Variants in CNOT7 observed in about 807,000 individuals in gnomAD.
CNOT7 encodes the protein BTG1-binding factor 1.
Under a neutral mutation model 37.1 loss-of-function variants are expected in CNOT7, and 4 were observed. The ratio of observed to expected loss-of-function variants is 0.11; its 90% CI spans 0.05 to 0.25. CNOT7 has a LOEUF of 0.25. Ranked by LOEUF, CNOT7 falls within the 10% of genes least tolerant of loss-of-function variation. CNOT7 has a pLI of 1.00. For synonymous variants in CNOT7, 128 were observed against 115.6 expected, an observed-to-expected ratio of 1.11 and a Z score of -0.69; for missense variants, 170 against 336.2, an observed-to-expected ratio of 0.51 and a Z score of 3.87.
In CNOT7 at chr8:17,246,820, A is replaced by C. The variant is rs1811230044; in HGVS notation, c.-241T>G. On this transcript the variant is annotated 5_prime_UTR_variant, in exon 1 of 7. Coordinates refer to ENST00000361272, the MANE Select transcript of CNOT7 (RefSeq NM_013354.7). ...CCCAGCGAAGGGAAAGGCGAGCAGGAGCTGCGCCGCACCGTGCTGCGCCGT... is the reference window on the plus strand; with the variant it reads ...CCCAGCGAAGGGAAAGGCGAGCAGGCGCTGCGCCGCACCGTGCTGCGCCGT... The C allele has an allele frequency of 4.5e-6, 1 of 221,248 alleles. No individual in the cohort carries two copies. Among genetic ancestry groups the C allele is most frequent in the African/African-American group, 2.4e-5 (1 of 41,946 alleles). 13.7% of individuals were successfully genotyped at this position (221,248 alleles called of 1,614,324 possible).
At chr8:17,234,960 A>C in intron 4 of CNOT7, 100 bp from the exon 5 acceptor site, 1 of 968,070 alleles carries the variant, frequency 1.0e-6, no homozygotes, top group Non-Finnish European at 1.5e-6. Context: ...GTCACACTAG[A>C]GCCCTCCCAA....
chr8:17,226,415 A>G lies in CNOT7; in HGVS notation c.*4305T>C, dbSNP rs1461343203. On this transcript the variant is annotated 3_prime_UTR_variant, in exon 7 of 7. Coordinates refer to ENST00000361272, the MANE Select transcript of CNOT7 (RefSeq NM_013354.7). ...CAGGTCAAGGTACTGCTAAATACTGACACATCCACCCATGAGCATGTGATT... is the reference window on the plus strand; with the variant it reads ...CAGGTCAAGGTACTGCTAAATACTGGCACATCCACCCATGAGCATGTGATT... 1.3e-5 allele frequency: 2 copies of G among 151,632 alleles called. No homozygotes were observed. The highest frequency in any genetic ancestry group is 2.4e-5 in the African/African-American group (1 of 41,400). 9.4% of individuals were successfully genotyped at this position (151,632 alleles called of 1,614,324 possible).
Position 17,226,126 on chromosome 8 carries a change from CAAGG to C in CNOT7, c.*4590_*4593del, listed in dbSNP as rs1808142299. ...AAATGAAGGACATTATTTAGGTACT[CAAGG>C]AAACTTTTCACCAAATTTTTATTCT... On this transcript the variant is annotated 3_prime_UTR_variant, in exon 7 of 7. Coordinates refer to ENST00000361272, the MANE Select transcript of CNOT7 (RefSeq NM_013354.7). 1.5e-5 allele frequency: 2 copies of C among 131,946 alleles called. No homozygotes were observed. The highest frequency in any genetic ancestry group is 1.8e-4 in the Admixed American group (2 of 11,256). 8.2% of individuals were successfully genotyped at this position (131,946 alleles called of 1,614,324 possible).
Position 17,225,166 on chromosome 8 carries a change from G to T in CNOT7, c.*5554C>A, listed in dbSNP as rs1808076881. ...AGTCCCCTTGGGGTCTTGCAAACTT[G>T]TATTTCCTAACAATTTGGAAGCCAT... is the stretch of plus-strand genomic sequence containing the variant. On this transcript the variant is annotated 3_prime_UTR_variant, in exon 7 of 7. Transcript: ENST00000361272. 1 of 151,696 alleles carries T rather than the reference G, an allele frequency of 6.6e-6. No individual in the cohort carries two copies. Among genetic ancestry groups the T allele is most frequent in the African/African-American group, 2.4e-5 (1 of 41,402 alleles). 9.4% of individuals were successfully genotyped at this position (151,696 alleles called of 1,614,324 possible).
In CNOT7 at chr8:17,245,258, A is replaced by G; in HGVS notation, c.-95-11T>C. ...CCTTTATTTATGTACCTGTCAAAAT[A>G]AAAAAACAATATGAAGACCAGATAT... On this transcript the variant is annotated splice_polypyrimidine_tract_variant and intron_variant, in intron 1 of 6. Transcript: ENST00000361272. 2 of 1,219,928 alleles carry G rather than the reference A, an allele frequency of 1.6e-6. 1 individual carries two copies. Among genetic ancestry groups the G allele is most frequent in the South Asian group, 3.6e-5 (2 of 55,342 alleles). 75.6% of individuals were successfully genotyped at this position (1,219,928 alleles called of 1,614,324 possible).
rs373869725 is a variant in CNOT7, at chr8:17,230,376, A to C, written c.*344T>G. The C allele has an allele frequency of 5.6e-5, 9 of 159,414 alleles. No homozygotes were observed. The highest frequency in any genetic ancestry group is 2.1e-4 in the African/African-American group (9 of 41,892). The allele number at this position is 159,414 out of a possible 1,614,324, so 9.9% of individuals were successfully genotyped here. A position where few individuals can be genotyped will look rare whatever the true frequency, so the allele number is the denominator to read the frequency against. On this transcript the variant is annotated 3_prime_UTR_variant, in exon 7 of 7. Coordinates refer to ENST00000361272, the MANE Select transcript of CNOT7 (RefSeq NM_013354.7). ...GACGTGAAACAGGGAAATAAATTAC[A>C]GTCAGTGCTAGTTAATTTAGGAAAA...
rs1266867238 is a variant in CNOT7 at position 17,227,972 on chromosome 8, C to G, written c.*2748G>C. 1.3e-5 allele frequency: 2 copies of G among 151,926 alleles called. No homozygotes were observed. Among genetic ancestry groups the G allele is most frequent in the African/African-American group, 4.8e-5 (2 of 41,446 alleles). The allele number at this position is 151,926 out of a possible 1,614,324, so 9.4% of individuals were successfully genotyped here. Reference sequence around the variant, plus strand: ...AAGCGGCAATGTGAAACAAGACACACATACACAGGTTCTGTAGCAGCTACT... The same window carrying G: ...AAGCGGCAATGTGAAACAAGACACAGATACACAGGTTCTGTAGCAGCTACT... On this transcript the variant is annotated 3_prime_UTR_variant, in exon 7 of 7. Coordinates refer to ENST00000361272, the MANE Select transcript of CNOT7 (RefSeq NM_013354.7).
chr8:17,231,843 T>C (rs536868419), intron 6 of CNOT7: 4 of 985,826 alleles, frequency 4.1e-6, no homozygotes, highest in East Asian at 1.1e-4. Context: ...TTTCCTAATA[T>C]GGTTTCTGAT....
At position 17,230,928 on chromosome 8, in the gene CNOT7, A is replaced by C. The variant is rs1808518802; in HGVS notation, c.730-80T>G. 7 of 1,008,502 alleles carry C rather than the reference A, an allele frequency of 6.9e-6. No individual in the cohort carries two copies. The East Asian group carries it at 1.6e-4, about 23-fold the overall frequency. 62.5% of individuals were successfully genotyped at this position (1,008,502 alleles called of 1,614,324 possible). On this transcript the variant is annotated intron_variant, in intron 6 of 6. Coordinates refer to ENST00000361272, the MANE Select transcript of CNOT7 (RefSeq NM_013354.7). ...TTGTAATTTATATTTCAGCAATGTAAGTACTGACTGTTCACTGACAATAAT... is the reference window on the plus strand; with the variant it reads ...TTGTAATTTATATTTCAGCAATGTACGTACTGACTGTTCACTGACAATAAT...
rs953518807 is a variant in CNOT7 at position 17,229,420 on chromosome 8, AGT to A, written c.*1298_*1299del. 5 of 152,362 alleles carry A rather than the reference AGT, an allele frequency of 3.3e-5. No homozygotes were observed. The highest frequency in any genetic ancestry group is 7.4e-5 in the Non-Finnish European group (5 of 67,844). 9.4% of individuals were successfully genotyped at this position (152,362 alleles called of 1,614,324 possible). ...GAGATTTGCTAATATTACTGATTGAAGTGTAGGTAACACACATTATAACTTGT... is the reference window on the plus strand; with the variant it reads ...GAGATTTGCTAATATTACTGATTGAAGTAGGTAACACACATTATAACTTGT... On this transcript the variant is annotated 3_prime_UTR_variant, in exon 7 of 7. Coordinates refer to ENST00000361272, the MANE Select transcript of CNOT7 (RefSeq NM_013354.7).
Position 17,234,868 on chromosome 8 carries a change from A to G in CNOT7, c.474-8T>C. ...TAGCCAAAGTCGTAACCGCTATAAA[A>G]GGGTTAAAAGAATAGAGAAGAGGGA... On this transcript the variant is annotated splice_region_variant and splice_polypyrimidine_tract_variant and intron_variant, in intron 4 of 6. Coordinates refer to ENST00000361272, the MANE Select transcript of CNOT7 (RefSeq NM_013354.7). 6.2e-7 allele frequency: 1 copy of G among 1,612,342 alleles called. No homozygotes were observed. The highest frequency in any genetic ancestry group is 1.3e-5 in the African/African-American group (1 of 74,940).
intron 3 of CNOT7, among the ~76,000 whole-genome samples, chr8:17,238,843 G>A (rs953297519): frequency 2.0e-5 from 3 of 152,012 alleles, no homozygotes; most frequent in South Asian, 2.1e-4. Flanking sequence ...TTACATCTAC[G>A]TATGTGAAGA....
chr8:17,245,143 C>A lies in CNOT7; in HGVS notation c.10G>T (p.Ala4Ser). 2 of 1,612,754 alleles carry A rather than the reference C, an allele frequency of 1.2e-6. No individual in the cohort carries two copies. The highest frequency in any genetic ancestry group is 1.3e-5 in the African/African-American group (1 of 74,958). Residue 4 changes from alanine to serine, a missense_variant, in exon 2 of 7, where the codon GCA (alanine) becomes TCA (serine). Around this residue, in one of 6 missense-constraint regions of CNOT7, gnomAD observed 38 missense variants for 36.9 expected, o/e 1.03. Transcript: ENST00000361272. MPAATVDHSQRICE... is the reference protein window; with the variant it reads MPASTVDHSQRICE... ...ATTCTTTGGCTATGATCTACAGTTGCCGCTGGCATAGTGAGGGCACAAGGG... is the reference window on the plus strand; with the variant it reads ...ATTCTTTGGCTATGATCTACAGTTGACGCTGGCATAGTGAGGGCACAAGGG...
rs1031525202 is a variant in CNOT7, at chr8:17,246,832, C to G, written c.-253G>C. The stretch of plus-strand genomic sequence containing the variant: ...AAAGGCGAGCAGGAGCTGCGCCGCA[C>G]CGTGCTGCGCCGTCGCTTTTCGCAC... On this transcript the variant is annotated 5_prime_UTR_variant, in exon 1 of 7. Coordinates refer to ENST00000361272, the MANE Select transcript of CNOT7 (RefSeq NM_013354.7). 7.8e-6 allele frequency: 2 copies of G among 257,144 alleles called. No individual in the cohort carries two copies. Among genetic ancestry groups the G allele is most frequent in the Non-Finnish European group, 1.5e-5 (2 of 129,864 alleles). The allele number at this position is 257,144 out of a possible 1,614,324, so 15.9% of individuals were successfully genotyped here.
At chr8:17,243,400 T>G in intron 2 of CNOT7, 1 of 634,806 alleles carries the variant, frequency 1.6e-6, no homozygotes, top group Non-Finnish European at 2.8e-6. Flanking sequence ...TCCAAAAAGT[T>G]ACTATACGAG....
rs1165309955 is a variant in CNOT7, at chr8:17,229,149, T to C, written c.*1571A>G. ...AGGGTTAATGAAGGAAGTTACTGAA[T>C]TCTGTTGAGTTGCCCAAATAAAAAT... On this transcript the variant is annotated 3_prime_UTR_variant, in exon 7 of 7. Coordinates refer to ENST00000361272, the MANE Select transcript of CNOT7 (RefSeq NM_013354.7). The C allele has an allele frequency of 1.3e-5, 2 of 151,938 alleles. No individual in the cohort carries two copies. The highest frequency in any genetic ancestry group is 2.4e-5 in the African/African-American group (1 of 41,416). 9.4% of individuals were successfully genotyped at this position (151,938 alleles called of 1,614,324 possible).
chr8:17,236,467 A>G (rs1809376004), intron 4 of CNOT7, among the ~76,000 whole-genome samples: 1 of 152,220 alleles, frequency 6.6e-6, no homozygotes, highest in Admixed American at 6.5e-5. Flanking sequence ...CTTACCAGAA[A>G]CACTCTTAAA....
intron 3 of CNOT7, among the ~76,000 whole-genome samples, chr8:17,240,637 C>G (rs145111969): frequency 1.5e-4 from 23 of 152,258 alleles, no homozygotes; most frequent in South Asian, 2.1e-4. Context: ...TGGGTTACCT[C>G]CTTCTCACGT....
At chr8:17,239,735 C>G (rs534380200) in intron 3 of CNOT7, among the ~76,000 whole-genome samples, 1 of 151,978 alleles carries the variant, frequency 6.6e-6, no homozygotes, top group Non-Finnish European at 1.5e-5. Flanking sequence ...CCTTGTGATC[C>G]GCCCGCCTCG....
Sources: gnomAD v4.1 joint callset for allele counts (sites outside exome capture counted in the v4.1 genomes callset) on GRCh38, gnomAD v4.1.1 for gene constraint, gnomAD v4.1.1 regional missense constraint, MANE v1.5 for transcripts, NCBI Gene and HGNC (gene_info 2026-07-23, HGNC 2026-07-21) for gene names.